The following LRMDA variants were observed in gnomAD, a reference collection of about 807,000 sequenced individuals.
LRMDA encodes leucine rich melanocyte differentiation associated.
A neutral mutation model predicts 29.8 loss-of-function variants in LRMDA; 18 were observed. The ratio of observed to expected loss-of-function variants is 0.60; its 90% CI spans 0.42 to 0.90. The LOEUF (loss-of-function observed/expected upper bound fraction) is 0.90. LRMDA is among the 40% of genes least tolerant of loss of function. The probability of loss-of-function intolerance (pLI) is 0.00; values close to 1 mark genes in which losing one functional copy is unlikely to be tolerated. For missense variants in LRMDA, 273 were observed against 273.9 expected (o/e 1.00, Z 0.02); for synonymous variants, 125 against 109.4 (o/e 1.14, Z -0.89).
intron 2 of LRMDA, among the ~76,000 whole-genome samples, chr10:75,541,688 A>G (rs1840019224): frequency 1.3e-5 from 2 of 152,202 alleles, no homozygotes; most frequent in South Asian, 4.1e-4. Context: ...GCTAGGGGGT[A>G]ATTGAGTTGC....
intron 5 of LRMDA, among the ~76,000 whole-genome samples, chr10:76,266,881 G>T (rs1418953362): frequency 1.3e-5 from 2 of 152,148 alleles, no homozygotes; most frequent in Non-Finnish European, 2.9e-5. Context: ...CAGGAGATGA[G>T]TTTGTTTTGA....
chr10:76,128,773 A>G lies in LRMDA; in HGVS notation c.516+69990A>G, dbSNP rs574201101. 6.6e-5 allele frequency among the ~76,000 whole-genome samples: 10 copies of G among 152,282 alleles called. 1 individual carries two copies. The highest frequency in any genetic ancestry group is 1.7e-4 in the African/African-American group (7 of 41,570). On this transcript the variant is annotated intron_variant, in intron 5 of 6. Transcript: ENST00000611255. ...GCGAGGGACCTTTTTGGTTGACACA[A>G]TTCCCCACTGTCTAGCCCAGAGCTC...
chr10:76,195,317 T>C (rs1168932762), intron 5 of LRMDA, among the ~76,000 whole-genome samples: 2 of 152,200 alleles, frequency 1.3e-5, no homozygotes, highest in African/African-American at 2.4e-5. Flanking sequence ...CCTTGTACCA[T>C]TGAAAGTCAC....
chr10:75,638,204 T>C (rs1411634939), intron 2 of LRMDA, among the ~76,000 whole-genome samples: 1 of 152,134 alleles, frequency 6.6e-6, no homozygotes, highest in African/African-American at 2.4e-5. Context: ...CATGGAATCC[T>C]CAGGTTCCTA....
At chr10:75,658,852 G>T (rs76948786) in intron 2 of LRMDA, among the ~76,000 whole-genome samples, 12,908 of 152,232 alleles carry the variant, frequency 0.085, 703 homozygotes, top group South Asian at 0.17. Context: ...AATACAGTCA[G>T]CCACCTGTTT....
At chr10:76,022,132 G>A (rs1847984312) in intron 2 of LRMDA, among the ~76,000 whole-genome samples, 1 of 152,198 alleles carries the variant, frequency 6.6e-6, no homozygotes, top group African/African-American at 2.4e-5. Flanking sequence ...TCACTTGGAA[G>A]CAGAAGAAGC....
intron 6 of LRMDA, among the ~76,000 whole-genome samples, chr10:76,355,512 A>G (rs1485876039): frequency 6.6e-6 from 1 of 152,220 alleles, no homozygotes; most frequent in Non-Finnish European, 1.5e-5. Context: ...TCAAGGAAGA[A>G]TAATGAGTAC....
At chr10:75,937,588 T>A (rs937453634) in intron 2 of LRMDA, among the ~76,000 whole-genome samples, 4 of 152,182 alleles carry the variant, frequency 2.6e-5, no homozygotes, top group Non-Finnish European at 5.9e-5. Flanking sequence ...GCTCTCCAAT[T>A]TCCATCAGTT....
At chr10:76,237,912 T>C (rs546720611) in intron 5 of LRMDA, among the ~76,000 whole-genome samples, 1 of 149,210 alleles carries the variant, frequency 6.7e-6, no homozygotes, top group East Asian at 2.1e-4. Context: ...TGCCTCAGCC[T>C]CCTAAGTAGC....
At chr10:75,809,689 C>T (rs184129909) in intron 2 of LRMDA, among the ~76,000 whole-genome samples, 1 of 152,172 alleles carries the variant, frequency 6.6e-6, no homozygotes, top group Non-Finnish European at 1.5e-5. Flanking sequence ...GGATTCATGG[C>T]ACTTCATGTT....
chr10:75,491,160 T>C (rs1844982204), intron 2 of LRMDA, among the ~76,000 whole-genome samples: 1 of 152,226 alleles, frequency 6.6e-6, no homozygotes. Context: ...ATTATTTGGT[T>C]GTAGGCATTT....
At position 76,500,854 on chromosome 10, in the gene LRMDA, T is replaced by A. The variant is rs1482687492; in HGVS notation, c.602-56355T>A. ...CACTATGCTTATTTTCTGCCTTTTT[T>A]TAAAAAAAAAATAAAAGTAACTTCA... On this transcript the variant is annotated intron_variant, in intron 6 of 6. Coordinates refer to ENST00000611255, the MANE Select transcript of LRMDA (RefSeq NM_001305581.2). 3.1e-3 allele frequency among the ~76,000 whole-genome samples: 225 copies of A among 72,618 alleles called. 54 individuals carry two copies. Among genetic ancestry groups the A allele is most frequent in the African/African-American group, 6.8e-3 (208 of 30,570 alleles). The allele number at this position is 72,618 out of a possible 152,430, so 47.6% of individuals were successfully genotyped here.
intron 2 of LRMDA, among the ~76,000 whole-genome samples, chr10:75,936,442 A>G (rs1846294882): frequency 6.6e-6 from 1 of 152,124 alleles, no homozygotes. Context: ...ATATCTAGAC[A>G]TGGTGTGTGG....
chr10:75,563,852 G>A (rs1377026363), intron 2 of LRMDA, among the ~76,000 whole-genome samples: 8 of 152,064 alleles, frequency 5.3e-5, no homozygotes, highest in South Asian at 2.1e-4. Context: ...GCGGATTTTC[G>A]TGAACTGCGA....
At chr10:76,240,842 GTGTGTA>G (rs1852263265) in intron 5 of LRMDA, among the ~76,000 whole-genome samples, 2 of 11,862 alleles carry the variant, frequency 1.7e-4, no homozygotes, top group African/African-American at 5.8e-4. Flanking sequence ...ACATATATAT[GTGTGTA>G]TATATATATA....
At chr10:75,499,606 G>A (rs369001040) in intron 2 of LRMDA, among the ~76,000 whole-genome samples, 5 of 152,228 alleles carry the variant, frequency 3.3e-5, no homozygotes, top group Admixed American at 2.0e-4. Flanking sequence ...GCTGGCTACT[G>A]TGGTTATAAT....
intron 2 of LRMDA, among the ~76,000 whole-genome samples, chr10:75,571,848 A>G (rs1157275093): frequency 6.6e-6 from 1 of 152,200 alleles, no homozygotes. Context: ...CTTCCCCAGC[A>G]CTGAGTTTTG....
At chr10:75,707,160 G>A (rs1842379793) in intron 2 of LRMDA, among the ~76,000 whole-genome samples, 2 of 152,198 alleles carry the variant, frequency 1.3e-5, no homozygotes, top group African/African-American at 2.4e-5. Flanking sequence ...TACCTCTGGA[G>A]GAGCTGGCAT....
At chr10:76,350,722 C>G (rs1244034881) in intron 6 of LRMDA, among the ~76,000 whole-genome samples, 1 of 152,120 alleles carries the variant, frequency 6.6e-6, no homozygotes, top group Non-Finnish European at 1.5e-5. Context: ...TTAATATTAT[C>G]CTAGTCATCT....
Sources: allele counts gnomAD v4.1 joint callset (sites outside exome capture counted in the v4.1 genomes callset), GRCh38; gene constraint gnomAD v4.1.1; transcripts MANE v1.5; gene names NCBI Gene and HGNC (gene_info 2026-07-23, HGNC 2026-07-21).